ARK2C: variants seen among roughly 807,000 people sequenced by gnomAD.
ARK2C encodes the protein E3 ubiquitin-protein ligase ARK2C.
chr18:46,354,265 G>T, the ARK2C span, among the ~76,000 whole-genome samples: 3 of 152,238 alleles, frequency 2.0e-5, no homozygotes, highest in Non-Finnish European at 2.9e-5. Context: ...GGGGAGCTTT[G>T]CTAGGCCAGG....
chr18:46,455,057 A>G, the ARK2C span, among the ~76,000 whole-genome samples: 1 of 152,248 alleles, frequency 6.6e-6, no homozygotes, highest in Non-Finnish European at 1.5e-5. Context: ...TCAGCATAAA[A>G]TGAAAAACAG....
the ARK2C span, among the ~76,000 whole-genome samples, chr18:46,416,906 G>A: frequency 0.26 from 39,934 of 152,106 alleles, 6,305 homozygotes; most frequent in East Asian, 0.78. Flanking sequence ...AGCCAGTCAC[G>A]TGGCCATGCC....
the ARK2C span, among the ~76,000 whole-genome samples, chr18:46,367,714 T>C: frequency 2.6e-5 from 4 of 152,216 alleles, no homozygotes; most frequent in Admixed American, 6.5e-5. Context: ...TCCCCACCAG[T>C]AGCCTGTGAC....
chr18:46,423,246 G>A, the ARK2C span, among the ~76,000 whole-genome samples: 1 of 152,198 alleles, frequency 6.6e-6, no homozygotes, highest in Non-Finnish European at 1.5e-5. Context: ...CAGAGGCAGG[G>A]CTTGTCCTTG....
At chr18:46,364,807 G>A in the ARK2C span, among the ~76,000 whole-genome samples, 2 of 152,182 alleles carry the variant, frequency 1.3e-5, no homozygotes, top group Admixed American at 1.3e-4. Flanking sequence ...AGAAGAGTCA[G>A]GTCCACTGGA....
At chr18:46,418,750 C>T in the ARK2C span, among the ~76,000 whole-genome samples, 18 of 152,216 alleles carry the variant, frequency 1.2e-4, no homozygotes, top group African/African-American at 4.1e-4. Context: ...AGTTACAGAC[C>T]CAGAAAAGAG....
At chr18:46,416,133 C>T in the ARK2C span, among the ~76,000 whole-genome samples, 8 of 152,160 alleles carry the variant, frequency 5.3e-5, no homozygotes, top group Admixed American at 1.3e-4. Context: ...TGGGAAAAGG[C>T]TGGGTGTGGG....
the ARK2C span, among the ~76,000 whole-genome samples, chr18:46,372,609 G>C: frequency 1.3e-5 from 2 of 152,190 alleles, no homozygotes; most frequent in Non-Finnish European, 1.5e-5. Flanking sequence ...CAGGTGTCTG[G>C]GTTCCAATGA....
At chr18:46,391,771 C>T in the ARK2C span, among the ~76,000 whole-genome samples, 1 of 151,716 alleles carries the variant, frequency 6.6e-6, no homozygotes, top group Admixed American at 6.6e-5. Flanking sequence ...CACGCACACA[C>T]ACACTATACA....
the ARK2C span, among the ~76,000 whole-genome samples, chr18:46,342,906 A>T: frequency 6.6e-6 from 1 of 151,810 alleles, no homozygotes; most frequent in Non-Finnish European, 1.5e-5. Context: ...TTTGGGGGGG[A>T]GTGGAGCTGT....
chr18:46,436,064 G>C, the ARK2C span, among the ~76,000 whole-genome samples: 1 of 151,178 alleles, frequency 6.6e-6, no homozygotes, highest in African/African-American at 2.4e-5. Flanking sequence ...GCTTGGTTTT[G>C]GATCCTGGGT....
chr18:46,371,670 G>T, the ARK2C span, among the ~76,000 whole-genome samples: 2 of 152,222 alleles, frequency 1.3e-5, no homozygotes, highest in Non-Finnish European at 2.9e-5. Flanking sequence ...AATGAGAGCT[G>T]AAACAATGGT....
chr18:46,430,446 C>A, the ARK2C span, among the ~76,000 whole-genome samples: 25 of 152,276 alleles, frequency 1.6e-4, no homozygotes, highest in East Asian at 4.8e-3. Context: ...CGGGTGGGTT[C>A]TTTCCCCCAT....
At chr18:46,397,392 C>T in the ARK2C span, among the ~76,000 whole-genome samples, 7 of 149,948 alleles carry the variant, frequency 4.7e-5, no homozygotes, top group African/African-American at 7.4e-5. Context: ...TGTGGTCATG[C>T]TGAGGTGTGA....
chr18:46,368,131 C>A, the ARK2C span, among the ~76,000 whole-genome samples: 1 of 152,162 alleles, frequency 6.6e-6, no homozygotes, highest in Non-Finnish European at 1.5e-5. Flanking sequence ...CTGCTCTAGA[C>A]CTTATCTGCT....
At chr18:46,420,037 A>G in the ARK2C span, among the ~76,000 whole-genome samples, 2 of 151,964 alleles carry the variant, frequency 1.3e-5, no homozygotes, top group Non-Finnish European at 2.9e-5. Context: ...ATCTAATTTT[A>G]CTGACCCTGG....
At chr18:46,429,769 T>C in the ARK2C span, among the ~76,000 whole-genome samples, 1 of 148,746 alleles carries the variant, frequency 6.7e-6, no homozygotes. Context: ...TAAAATACTC[T>C]TTTTTTTTCC....
the ARK2C span, among the ~76,000 whole-genome samples, chr18:46,374,833 G>T: frequency 6.6e-6 from 1 of 152,212 alleles, no homozygotes; most frequent in Non-Finnish European, 1.5e-5. Context: ...GGGATGGAAA[G>T]TGCCTGCATG....
At chr18:46,402,386 A>G in the ARK2C span, among the ~76,000 whole-genome samples, 11 of 152,384 alleles carry the variant, frequency 7.2e-5, no homozygotes, top group African/African-American at 2.4e-4. Flanking sequence ...ATGCCCAGTT[A>G]CATTTTAATT....
Sources: allele counts gnomAD v4.1 joint callset (sites outside exome capture counted in the v4.1 genomes callset), GRCh38; gene constraint gnomAD v4.1.1; transcripts MANE v1.5; gene names NCBI Gene and HGNC (gene_info 2026-07-23, HGNC 2026-07-21).